Variants in UBXN7 observed in about 807,000 individuals in gnomAD.
UBXN7 encodes UBX domain protein 7.
A neutral mutation model predicts 58.0 loss-of-function variants in UBXN7; 9 were observed. That is an observed-to-expected ratio of 0.16 (90% CI 0.09 to 0.27). The LOEUF is 0.27. UBXN7 is among the 10% of genes least tolerant of loss of function. The pLI is 1.00. For missense variants in UBXN7, 328 were observed against 599.6 expected, an observed-to-expected ratio of 0.55 and a Z score of 4.73; for synonymous variants, 208 against 205.0, an observed-to-expected ratio of 1.01 and a Z score of -0.12.
intron 1 of UBXN7, among the ~76,000 whole-genome samples, chr3:196,409,339 GAATCACT>G (rs999175241): frequency 1.3e-5 from 2 of 151,894 alleles, no homozygotes; most frequent in Non-Finnish European, 1.5e-5. Context: ...CAACTTATTG[GAATCACT>G]AATCACTAAG....
intron 1 of UBXN7, among the ~76,000 whole-genome samples, chr3:196,430,090 C>T (rs1351504275): frequency 2.0e-5 from 3 of 152,064 alleles, no homozygotes; most frequent in African/African-American, 7.2e-5. Context: ...CGCGGTGGCT[C>T]ACGCCTGTAA....
chr3:196,408,890 T>C (rs1297073947), intron 1 of UBXN7, among the ~76,000 whole-genome samples: 1 of 152,214 alleles, frequency 6.6e-6, no homozygotes, highest in Non-Finnish European at 1.5e-5. Context: ...GTGATTTTAT[T>C]TATCCTCTTT....
In UBXN7 at chr3:196,385,414, C is replaced by T. The variant is rs557288337; in HGVS notation, c.468+6399G>A. Among the ~76,000 whole-genome samples, 6 of 152,248 alleles carry T rather than the reference C, an allele frequency of 3.9e-5. No individual in the cohort carries two copies. The East Asian group carries it at 5.8e-4, about 15-fold the overall frequency. On this transcript the variant is annotated intron_variant, in intron 5 of 10. Transcript: ENST00000296328. ...AAGTGCCGAGATTGCAGCCTCTGCCCGGCCGCCACCCAGTCTAGGAAGTGA... is the reference window on the plus strand; with the variant it reads ...AAGTGCCGAGATTGCAGCCTCTGCCTGGCCGCCACCCAGTCTAGGAAGTGA...
chr3:196,413,549 A>AACATTCTT (rs1373983673), intron 1 of UBXN7, among the ~76,000 whole-genome samples: 4 of 152,148 alleles, frequency 2.6e-5, no homozygotes, highest in African/African-American at 9.7e-5. Context: ...AAATTTGAGA[A>AACATTCTT]ACATTCTTAG....
intron 1 of UBXN7, among the ~76,000 whole-genome samples, chr3:196,415,445 C>T (rs1263309758): frequency 6.7e-6 from 1 of 148,914 alleles, no homozygotes; most frequent in African/African-American, 2.5e-5. Context: ...AGCCACCGCA[C>T]CCAGCCATAT....
chr3:196,431,901 A>C, intron 1 of UBXN7: 7 of 351,832 alleles, frequency 2.0e-5, no homozygotes, highest in East Asian at 1.7e-4. Context: ...TGGCCGGGGA[A>C]GAAAGGAAAA....
chr3:196,378,637 G>A (rs910095436), intron 5 of UBXN7, among the ~76,000 whole-genome samples: 6 of 152,188 alleles, frequency 3.9e-5, no homozygotes, highest in African/African-American at 7.2e-5. Context: ...CTTTTTAGAC[G>A]ATACAGGGCA....
At chr3:196,364,697 C>A (rs1240802130) in intron 8 of UBXN7, among the ~76,000 whole-genome samples, 3 of 148,546 alleles carry the variant, frequency 2.0e-5, no homozygotes, top group African/African-American at 7.5e-5. Context: ...CATTTTTTTG[C>A]TGGTTGTTTT....
chr3:196,376,650 T>C (rs574353596), intron 5 of UBXN7, among the ~76,000 whole-genome samples: 1 of 151,866 alleles, frequency 6.6e-6, no homozygotes. Flanking sequence ...CTTGCATTTA[T>C]ACTAAATACT....
intron 3 of UBXN7, among the ~76,000 whole-genome samples, chr3:196,399,668 G>A (rs9846106): frequency 0.25 from 37,827 of 152,090 alleles, 6,175 homozygotes; most frequent in East Asian, 0.82. Context: ...TCCAACTCCT[G>A]GTTGCAAGTG....
chr3:196,395,607 GTTTT>G (rs974897684), intron 3 of UBXN7, among the ~76,000 whole-genome samples: 1 of 151,674 alleles, frequency 6.6e-6, no homozygotes, highest in African/African-American at 2.4e-5. Flanking sequence ...ACCATGTTCA[GTTTT>G]TTTGTTTGTT....
Position 196,423,154 on chromosome 3 carries a change from G to A in UBXN7, c.73+9173C>T, listed in dbSNP as rs563751863. ...AGAGGACACAACAGCCCAACCTAGC[G>A]GGGCCAGTCACCACCTGGTCTGGGG... On this transcript the variant is annotated intron_variant, in intron 1 of 10. Coordinates refer to ENST00000296328, the MANE Select transcript of UBXN7 (RefSeq NM_015562.2). Among the ~76,000 whole-genome samples, 6 of 152,332 alleles carry A rather than the reference G, an allele frequency of 3.9e-5. No homozygotes were observed. In the South Asian group the frequency reaches 6.2e-4, roughly 16 times the overall value.
chr3:196,376,950 T>C (rs1039503176), intron 5 of UBXN7, among the ~76,000 whole-genome samples: 4 of 151,264 alleles, frequency 2.6e-5, no homozygotes, highest in African/African-American at 7.3e-5. Flanking sequence ...GGGGACTAAG[T>C]TGGGCAGATC....
intron 5 of UBXN7, among the ~76,000 whole-genome samples, chr3:196,382,298 G>A (rs1729232149): frequency 1.3e-5 from 2 of 152,222 alleles, no homozygotes; most frequent in Admixed American, 1.3e-4. Context: ...TATCTCTGCA[G>A]AAACCCTACA....
intron 1 of UBXN7, chr3:196,431,802 G>A (rs1472224628): frequency 1.4e-5 from 6 of 426,280 alleles, no homozygotes; most frequent in East Asian, 1.5e-4. Flanking sequence ...CCGTGAAGGC[G>A]GGAGGGCCCG....
At chr3:196,384,437 C>T (rs563481242) in intron 5 of UBXN7, among the ~76,000 whole-genome samples, 2 of 152,240 alleles carry the variant, frequency 1.3e-5, no homozygotes, top group South Asian at 4.1e-4. Flanking sequence ...GGAATCCTCC[C>T]TAACTCATTT....
rs896924227 is a variant in UBXN7, at chr3:196,355,127, T to C, written c.*1558A>G. 1.3e-5 allele frequency: 2 copies of C among 152,134 alleles called. No individual in the cohort carries two copies. Among genetic ancestry groups the C allele is most frequent in the African/African-American group, 2.4e-5 (1 of 41,438 alleles). The allele number at this position is 152,134 out of a possible 1,614,324, so 9.4% of individuals were successfully genotyped here. On this transcript the variant is annotated 3_prime_UTR_variant, in exon 11 of 11. Transcript: ENST00000296328. ...GCCAAGAGAGCAATCTTAAAGTAGATGAAAACCTAAAGGTCTCTACGCAAC... is the reference window on the plus strand; with the variant it reads ...GCCAAGAGAGCAATCTTAAAGTAGACGAAAACCTAAAGGTCTCTACGCAAC...
intron 5 of UBXN7, among the ~76,000 whole-genome samples, chr3:196,390,893 T>C (rs1375427353): frequency 6.6e-6 from 1 of 152,214 alleles, no homozygotes; most frequent in Non-Finnish European, 1.5e-5. Flanking sequence ...CTCCTTCATT[T>C]AACATATGTG....
intron 1 of UBXN7, among the ~76,000 whole-genome samples, chr3:196,425,631 T>C (rs909556134): frequency 1.3e-5 from 2 of 152,088 alleles, no homozygotes; most frequent in African/African-American, 2.4e-5. Context: ...ACATGGCTTA[T>C]AAGGCCCAAC....
Sources: allele counts gnomAD v4.1 joint callset (sites outside exome capture counted in the v4.1 genomes callset), GRCh38; gene constraint gnomAD v4.1.1; transcripts MANE v1.5; gene names NCBI Gene and HGNC (gene_info 2026-07-23, HGNC 2026-07-21).